Variants in PHLPP2 observed in about 807,000 individuals in gnomAD.
The protein encoded by PHLPP2 is PH domain and leucine rich repeat protein phosphatase 2.
Under a neutral mutation model 124.9 loss-of-function variants are expected in PHLPP2, and 66 were observed. The ratio of observed to expected loss-of-function variants is 0.53; its 90% confidence interval spans 0.43 to 0.65. The LOEUF (loss-of-function observed/expected upper bound fraction) is 0.65. Ranked by LOEUF, PHLPP2 falls within the 30% of genes least tolerant of loss-of-function variation. The pLI is 0.00. For synonymous variants in PHLPP2, 681 were observed against 624.7 expected, an observed-to-expected ratio of 1.09 and a Z score of -1.34; for missense variants, 1,685 against 1,600.4, an observed-to-expected ratio of 1.05 and a Z score of -0.90.
intron 1 of PHLPP2, among the ~76,000 whole-genome samples, chr16:71,722,677 A>C (rs1410686955): frequency 1.3e-5 from 2 of 152,168 alleles, no homozygotes; most frequent in Non-Finnish European, 2.9e-5. Context: ...AAACACATCA[A>C]ATTTAAATTT....
chr16:71,681,986 CA>C, intron 5 of PHLPP2, 81 bp from the exon 6 acceptor site: 1 of 918,766 alleles, frequency 1.1e-6, no homozygotes, highest in Non-Finnish European at 1.5e-6. Context: ...GGCATTTACA[CA>C]AAAAGACGCT....
intron 13 of PHLPP2, among the ~76,000 whole-genome samples, chr16:71,661,849 A>G (rs1406511710): frequency 6.6e-6 from 1 of 151,744 alleles, no homozygotes; most frequent in Non-Finnish European, 1.5e-5. Flanking sequence ...TTTGAGATGG[A>G]GTCTTGCTCC....
chr16:71,660,936 G>T (rs534371221), intron 13 of PHLPP2, among the ~76,000 whole-genome samples: 3 of 152,178 alleles, frequency 2.0e-5, no homozygotes, highest in South Asian at 4.1e-4. Flanking sequence ...CTCAGGAAAT[G>T]AACTGATAGT....
At chr16:71,656,523 C>T (rs771921852) in intron 16 of PHLPP2, 48 bp downstream of exon 16, 19 of 1,092,054 alleles carry the variant, frequency 1.7e-5, no homozygotes, top group Non-Finnish European at 2.5e-5. Flanking sequence ...TCTCAGATGC[C>T]AGGGGCTGCC....
intron 9 of PHLPP2, 38 bp downstream of exon 9, chr16:71,676,409 T>C (rs1263199221): frequency 2.6e-6 from 4 of 1,544,648 alleles, no homozygotes; most frequent in Non-Finnish European, 3.6e-6. Context: ...TGACAACAGC[T>C]GAAAGAGAAA....
intron 13 of PHLPP2, 147 bp from the exon 14 acceptor site, chr16:71,658,962 C>A (rs1190413426): frequency 1.1e-5 from 8 of 698,074 alleles, no homozygotes. Context: ...ACCAGGAATA[C>A]CAGGAAAGGC....
At chr16:71,686,053 C>T (rs2045052222) in intron 4 of PHLPP2, among the ~76,000 whole-genome samples, 2 of 152,220 alleles carry the variant, frequency 1.3e-5, no homozygotes, top group Admixed American at 1.3e-4. Context: ...CTGCAGTGAG[C>T]TGAGATCGTG....
chr16:71,651,541 T>A (rs2044696437), intron 18 of PHLPP2, among the ~76,000 whole-genome samples: 1 of 152,020 alleles, frequency 6.6e-6, no homozygotes, highest in South Asian at 2.1e-4. Context: ...CTAAAAAAAA[T>A]AAAAATAAAA....
Position 71,649,443 on chromosome 16 carries a change from C to T in PHLPP2, c.3419G>A (p.Ser1140Asn). ...GTCCAGGCCGTTGTCAGACTGGTTA[C>T]TGGAGAAGGTAGCAGAAGAAGGCTG... The part of the protein sequence containing the change: ...QRQPSSATFS[S>N]NQSDNGLDSD... The change falls in exon 19 of 19, where the codon AGT becomes AAT. Residue 1140 changes from serine (S) to asparagine (N), a missense_variant. Ser to Asn is a conservative substitution (Grantham distance 46, BLOSUM62 1). Transcript: ENST00000568954. The T allele has an allele frequency of 6.2e-7, 1 of 1,614,122 alleles. No individual in the cohort carries two copies. The highest frequency in any genetic ancestry group is 8.5e-7 in the Non-Finnish European group (1 of 1,180,002).
At chr16:71,717,377 T>C (rs2045370206) in intron 1 of PHLPP2, among the ~76,000 whole-genome samples, 1 of 152,222 alleles carries the variant, frequency 6.6e-6, no homozygotes, top group South Asian at 2.1e-4. Context: ...TCAGGAAAAC[T>C]GATCATTTTG....
In PHLPP2 at chr16:71,658,719, G is replaced by A; in HGVS notation, c.2082C>T (p.His694=). The A allele has an allele frequency of 6.2e-7, 1 of 1,614,176 alleles. No homozygotes were observed. Among genetic ancestry groups the A allele is most frequent in the Non-Finnish European group, 8.5e-7 (1 of 1,180,020 alleles). ...TGTTGTTGGAGTGTGCAACAAGGGT[G>A]TGCAGCCTTTTACAGTTTGCTATGG... ...PTTIANCKRL[H]TLVAHSNNIS... Residue 694 remains histidine, a synonymous_variant, in exon 14 of 19, where the codon CAC becomes CAT. Coordinates refer to ENST00000568954, the MANE Select transcript of PHLPP2 (RefSeq NM_015020.3).
At chr16:71,671,609 T>C (rs2044893535) in intron 10 of PHLPP2, among the ~76,000 whole-genome samples, 2 of 151,706 alleles carry the variant, frequency 1.3e-5, no homozygotes, top group African/African-American at 4.8e-5. Flanking sequence ...AAAAATTAAA[T>C]AATATTTTAA....
At chr16:71,670,907 G>A (rs2044887086) in intron 10 of PHLPP2, among the ~76,000 whole-genome samples, 1 of 152,106 alleles carries the variant, frequency 6.6e-6, no homozygotes, top group Admixed American at 6.5e-5. Context: ...TGGAAGCTGA[G>A]GGAAATTGCC....
intron 6 of PHLPP2, among the ~76,000 whole-genome samples, chr16:71,680,273 A>G (rs369484904): frequency 1.1e-4 from 17 of 152,340 alleles, no homozygotes; most frequent in Admixed American, 9.1e-4. Context: ...AGGTAGATCA[A>G]ATCCCATTTA....
rs2044971182 is a variant in PHLPP2, at chr16:71,678,841, A to G, written c.1182T>C (p.Asp394=). Residue 394 remains aspartate, a synonymous_variant, in exon 8 of 19, where the codon GAT becomes GAC. Coordinates refer to ENST00000568954, the MANE Select transcript of PHLPP2 (RefSeq NM_015020.3). The stretch of plus-strand genomic sequence containing the variant: ...GGCAATTTCCTGCCATAACCACTCT[A>G]TCTAACATAGTGAGTTTCTCATAAA... The part of the protein sequence containing the change: ...PEVYEKLTML[D]RVVMAGNCLE... The G allele has an allele frequency of 2.5e-6, 4 of 1,612,466 alleles. No individual in the cohort carries two copies. The East Asian group carries it at 6.7e-5, about 27-fold the overall frequency.
Position 71,723,828 on chromosome 16 carries a change from G to A in PHLPP2, c.-7+501C>T, listed in dbSNP as rs935637224. ...GCGGGCGCTTCGGGCGGCTCCGGGG[G>A]CTCCAGCGGGCCCGCGGGCCCCGGC... On this transcript the variant is annotated intron_variant, in intron 1 of 18. Transcript: ENST00000568954. 18 of 1,250,628 alleles carry A rather than the reference G, an allele frequency of 1.4e-5. No homozygotes were observed. The East Asian group carries it at 2.4e-4, about 17-fold the overall frequency. 77.5% of individuals were successfully genotyped at this position (1,250,628 alleles called of 1,614,324 possible).
intron 18 of PHLPP2, among the ~76,000 whole-genome samples, chr16:71,651,078 G>A (rs1250415249): frequency 2.6e-5 from 4 of 152,154 alleles, no homozygotes; most frequent in Admixed American, 2.0e-4. Context: ...GGTGGCTCAC[G>A]CCTGTAATCC....
intron 3 of PHLPP2, among the ~76,000 whole-genome samples, chr16:71,691,405 G>A (rs2045111317): frequency 6.6e-6 from 1 of 151,792 alleles, no homozygotes; most frequent in Non-Finnish European, 1.5e-5. Context: ...AGCTTGCAGT[G>A]AGCCAAGATC....
At chr16:71,690,463 A>G (rs2045099232) in intron 4 of PHLPP2, 56 bp downstream of exon 4, 1 of 1,164,126 alleles carries the variant, frequency 8.6e-7, no homozygotes, top group Non-Finnish European at 1.3e-6. Flanking sequence ...GCATTATGTG[A>G]TATTTTCTTA....
Sources: gnomAD v4.1 joint callset for allele counts (sites outside exome capture counted in the v4.1 genomes callset) on GRCh38, gnomAD v4.1.1 for gene constraint, MANE v1.5 for transcripts, NCBI Gene and HGNC (gene_info 2026-07-23, HGNC 2026-07-21) for gene names.